FEM1A: variants seen among roughly 807,000 people sequenced by gnomAD.
The protein encoded by FEM1A is protein fem-1 homolog A.
FEM1A carries 1 observed loss-of-function variant against 0.7 expected under a neutral mutation model. That is an observed-to-expected ratio of 1.35 (90% confidence interval 0.48 to 6.40). The LOEUF is 6.40. Among genes scored for constraint, FEM1A ranks in the 30% most tolerant of loss-of-function variants. FEM1A has a pLI of 0.14. For missense variants in FEM1A, 721 were observed against 918.7 expected (o/e 0.78, Z 2.78); for synonymous variants, 391 against 420.6 (o/e 0.93, Z 0.86).
At position 4,800,213 on chromosome 19, in the gene FEM1A, A is replaced by G. The variant is rs1435456538; in HGVS notation, c.*6349A>G. The G allele has an allele frequency of 1.3e-5, 2 of 152,328 alleles. No homozygotes were observed. Among genetic ancestry groups the G allele is most frequent in the Non-Finnish European group, 2.9e-5 (2 of 68,148 alleles). 9.4% of individuals were successfully genotyped at this position (152,328 alleles called of 1,614,324 possible). On this transcript the variant is annotated 3_prime_UTR_variant, in exon 1 of 1. Coordinates refer to ENST00000269856, the MANE Select transcript of FEM1A (RefSeq NM_018708.3). ...GCCCTCTTAAGAGGAAGGCCATCTT[A>G]AAGCTCTACCAGCTTCAGGTGAGGG... is the stretch of plus-strand genomic sequence containing the variant.
chr19:4,794,768 T>C lies in FEM1A; in HGVS notation c.*904T>C, dbSNP rs1403868653. On this transcript the variant is annotated 3_prime_UTR_variant, in exon 1 of 1. Coordinates refer to ENST00000269856, the MANE Select transcript of FEM1A (RefSeq NM_018708.3). ...TACAGGCTTTCCGATTTTACAGGCC[T>C]TTCCAAGTTTCCATTCTCCTTAGAG... 1.2e-5 allele frequency: 2 copies of C among 166,932 alleles called. No individual in the cohort carries two copies. Among genetic ancestry groups the C allele is most frequent in the Non-Finnish European group, 2.9e-5 (2 of 68,104 alleles). The allele number at this position is 166,932 out of a possible 1,614,324, so 10.3% of individuals were successfully genotyped here.
chr19:4,792,884 C>G lies in FEM1A; in HGVS notation c.1030C>G (p.Leu344Val), dbSNP rs753693245. The change falls in exon 1 of 1, where the codon CTG becomes GTG. Residue 344 changes from leucine (L) to valine (V), a missense_variant. By Grantham distance (32) the Leu-to-Val change is conservative (BLOSUM62 1). Around this residue, in one of 4 missense-constraint regions of FEM1A, gnomAD observed 379 missense variants for 454.8 expected, o/e 0.83. Transcript: ENST00000269856. This position sits in a 1 kb window ranked among gnomAD's most constrained non-coding sequence, Gnocchi z 6.7. ...CCTGCCCAAACCGGAGCCCCCACAG[C>G]TGGTCCTGGCCTATGACTATTCCAG... ...EYLPKPEPPQ[L>V]VLAYDYSREV... 1.3e-4 allele frequency: 210 copies of G among 1,612,218 alleles called. 1 individual carries two copies. The highest frequency in any genetic ancestry group is 1.7e-4 in the Non-Finnish European group (204 of 1,180,024).
Position 4,792,037 on chromosome 19 carries a change from G to A in FEM1A, c.183G>A (p.Val61=), listed in dbSNP as rs12608548. The change falls in exon 1 of 1, where the codon GTG becomes GTA. Residue 61 remains valine, a synonymous_variant. Coordinates refer to ENST00000269856, the MANE Select transcript of FEM1A (RefSeq NM_018708.3). The surrounding 1 kb of genome is among the most constrained non-coding windows in gnomAD (Gnocchi z 6.7). ...ACCTGGACGTGGTGGAGTACCTGGT[G>A]GACCGGTGCGGCGCGAGCGTGGAGG... ...YGHLDVVEYL[V]DRCGASVEAG... is the part of the protein sequence containing the mutation. The A allele has an allele frequency of 9.9e-3, 15,186 of 1,538,654 alleles. 396 individuals are homozygous for A. In the East Asian group the frequency reaches 0.11, roughly 11 times the overall value.
rs370181330 is a variant in FEM1A, at chr19:4,793,561, C to T, written c.1707C>T (p.Asp569=). The T allele has an allele frequency of 6.2e-7, 1 of 1,613,056 alleles. No homozygotes were observed. The highest frequency in any genetic ancestry group is 1.9e-4 in the Middle Eastern group (1 of 5,286). Residue 569 remains aspartate (D), a synonymous_variant, in exon 1 of 1, where the codon GAC becomes GAT. Coordinates refer to ENST00000269856, the MANE Select transcript of FEM1A (RefSeq NM_018708.3). The surrounding 1 kb of genome is among the most constrained non-coding windows in gnomAD (Gnocchi z 5.1). ...PSLHVVKVLL[D]CGADPDSRDF... ...TGCACGTGGTCAAAGTGCTGCTCGA[C>T]TGCGGGGCCGACCCGGACAGCAGGG...
In FEM1A at chr19:4,796,466, G is replaced by C. The variant is rs1235782052; in HGVS notation, c.*2602G>C. ...GGCCTCCTAAAGTGCTGGGATTATA[G>C]GTGTGAGCCACCACGCCTGGCCCTT... is the stretch of plus-strand genomic sequence containing the variant. On this transcript the variant is annotated 3_prime_UTR_variant, in exon 1 of 1. Transcript: ENST00000269856. The C allele has an allele frequency of 6.6e-6, 1 of 152,214 alleles. No individual in the cohort carries two copies. The highest frequency in any genetic ancestry group is 1.5e-5 in the Non-Finnish European group (1 of 68,092). The allele number at this position is 152,214 out of a possible 1,614,324, so 9.4% of individuals were successfully genotyped here. A position where few individuals can be genotyped will look rare whatever the true frequency, so the allele number is the denominator to read the frequency against.
At position 4,792,504 on chromosome 19, in the gene FEM1A, C is replaced by G; in HGVS notation, c.650C>G (p.Thr217Ser). Residue 217 changes from threonine (T) to serine (S), a missense_variant, in exon 1 of 1, where the codon ACC becomes AGC. Physicochemically the swap from Thr to Ser is moderately conservative, Grantham distance 58. This residue lies in a region of FEM1A where 137 missense variants were observed against 121.7 expected (regional missense o/e 1.13). Coordinates refer to ENST00000269856, the MANE Select transcript of FEM1A (RefSeq NM_018708.3). This position sits in a 1 kb window ranked among gnomAD's most constrained non-coding sequence, Gnocchi z 6.7. Reference protein sequence around the residue: ...ARMERDGYGMTPLLAASVTGH... With the variant: ...ARMERDGYGMSPLLAASVTGH... ...ATGGAACGTGACGGCTACGGCATGA[C>G]CCCGCTGCTCGCGGCCAGCGTGACG... 1 of 1,598,330 alleles carries G rather than the reference C, an allele frequency of 6.3e-7. No individual in the cohort carries two copies. Among genetic ancestry groups the G allele is most frequent in the South Asian group, 1.1e-5 (1 of 91,004 alleles).
In FEM1A at chr19:4,797,129, A is replaced by G. The variant is rs554579752; in HGVS notation, c.*3265A>G. On this transcript the variant is annotated 3_prime_UTR_variant, in exon 1 of 1. Coordinates refer to ENST00000269856, the MANE Select transcript of FEM1A (RefSeq NM_018708.3). ...GATGGAAGAAAAATAATGAAGTAGG[A>G]AAAACGGCCCTCTTAAGATGAAGGT... is the stretch of plus-strand genomic sequence containing the variant. 9 of 150,816 alleles carry G rather than the reference A, an allele frequency of 6.0e-5. No individual in the cohort carries two copies. The highest frequency in any genetic ancestry group is 2.2e-4 in the African/African-American group (9 of 41,178). The allele number at this position is 150,816 out of a possible 1,614,324, so 9.3% of individuals were successfully genotyped here.
Position 4,791,961 on chromosome 19 carries a change from G to T in FEM1A, c.107G>T (p.Gly36Val), listed in dbSNP as rs1197651012. 2 of 1,532,662 alleles carry T rather than the reference G, an allele frequency of 1.3e-6. No homozygotes were observed. Among genetic ancestry groups the T allele is most frequent in the Non-Finnish European group, 1.7e-6 (2 of 1,146,914 alleles). 94.9% of individuals were successfully genotyped at this position (1,532,662 alleles called of 1,614,324 possible). Residue 36 changes from glycine to valine, a missense_variant, in exon 1 of 1, where the codon GGC (glycine) becomes GTC (valine). Transcript: ENST00000269856. Reference protein sequence around the residue: ...RSREELDELTGEVAGGGTPLL... With the variant: ...RSREELDELTVEVAGGGTPLL... ...CGGGAGGAACTGGACGAGCTGACGGGCGAGGTGGCCGGCGGGGGAACGCCG... is the reference window on the plus strand; with the variant it reads ...CGGGAGGAACTGGACGAGCTGACGGTCGAGGTGGCCGGCGGGGGAACGCCG...
Position 4,797,787 on chromosome 19 carries a change from AAAAAT to A in FEM1A, c.*3924_*3928del, listed in dbSNP as rs1411957755. The A allele has an allele frequency of 0.048, 7,069 of 147,852 alleles. 322 individuals carry two copies. The highest frequency in any genetic ancestry group is 0.12 in the African/African-American group (4,624 of 39,410). The allele number at this position is 147,852 out of a possible 1,614,324, so 9.2% of individuals were successfully genotyped here. ...TGTCTCTACAAAAAAAAAAAAAAAA[AAAAAT>A]TAGCCATGTGTAGTGATATGTAGTC... On this transcript the variant is annotated 3_prime_UTR_variant, in exon 1 of 1. Transcript: ENST00000269856.
rs181196043 is a variant in FEM1A at position 4,800,551 on chromosome 19, T to A, written c.*6687T>A. ...TTTGAGGGTGTCAGTCACTGCTGCGTCCTCAGCACCCACGCCAGGGTCTGT... is the reference window on the plus strand; with the variant it reads ...TTTGAGGGTGTCAGTCACTGCTGCGACCTCAGCACCCACGCCAGGGTCTGT... On this transcript the variant is annotated 3_prime_UTR_variant, in exon 1 of 1. Coordinates refer to ENST00000269856, the MANE Select transcript of FEM1A (RefSeq NM_018708.3). 1 of 152,444 alleles carries A rather than the reference T, an allele frequency of 6.6e-6. No homozygotes were observed. Among genetic ancestry groups the A allele is most frequent in the East Asian group, 1.9e-4 (1 of 5,186 alleles). 9.4% of individuals were successfully genotyped at this position (152,444 alleles called of 1,614,324 possible).
rs9630893 is a variant in FEM1A, at chr19:4,799,075, A to T, written c.*5211A>T. On this transcript the variant is annotated 3_prime_UTR_variant, in exon 1 of 1. Transcript: ENST00000269856. Reference sequence around the variant, plus strand: ...GAGACTGGGGTGGGGTGGGTGTCCCAAGGTGATGACCAGGAGAAAAGAGAG... The same window carrying T: ...GAGACTGGGGTGGGGTGGGTGTCCCTAGGTGATGACCAGGAGAAAAGAGAG... 6.6e-6 allele frequency: 1 copy of T among 151,556 alleles called. No individual in the cohort carries two copies. Among genetic ancestry groups the T allele is most frequent in the African/African-American group, 2.4e-5 (1 of 41,034 alleles). The allele number at this position is 151,556 out of a possible 1,614,324, so 9.4% of individuals were successfully genotyped here. A position where few individuals can be genotyped will look rare whatever the true frequency, so the allele number is the denominator to read the frequency against.
chr19:4,799,277 G>A lies in FEM1A; in HGVS notation c.*5413G>A, dbSNP rs1031587283. 2 of 152,120 alleles carry A rather than the reference G, an allele frequency of 1.3e-5. No individual in the cohort carries two copies. Among genetic ancestry groups the A allele is most frequent in the Admixed American group, 6.6e-5 (1 of 15,236 alleles). 9.4% of individuals were successfully genotyped at this position (152,120 alleles called of 1,614,324 possible). On this transcript the variant is annotated 3_prime_UTR_variant, in exon 1 of 1. Coordinates refer to ENST00000269856, the MANE Select transcript of FEM1A (RefSeq NM_018708.3). ...AAAATACAAAAAATTAGCCAGGCAC[G>A]GTGGCAGGCACCTGTAATCCCAGCT...
chr19:4,799,856 G>T lies in FEM1A; in HGVS notation c.*5992G>T, dbSNP rs1418402326. Reference sequence around the variant, plus strand: ...GGGAGGCGGAGTTACAGTGAGCCGAGATCGCGCCACTGCACTCCAGCCTGG... The same window carrying T: ...GGGAGGCGGAGTTACAGTGAGCCGATATCGCGCCACTGCACTCCAGCCTGG... On this transcript the variant is annotated 3_prime_UTR_variant, in exon 1 of 1. Transcript: ENST00000269856. The T allele has an allele frequency of 6.2e-5, 8 of 128,214 alleles. No individual in the cohort carries two copies. Among genetic ancestry groups the T allele is most frequent in the Admixed American group, 5.8e-4 (6 of 10,422 alleles). The allele number at this position is 128,214 out of a possible 1,614,324, so 7.9% of individuals were successfully genotyped here. A position where few individuals can be genotyped will look rare whatever the true frequency, so the allele number is the denominator to read the frequency against.
rs1555728952 is a variant in FEM1A, at chr19:4,799,918, A to AAAAATAAAAAT, written c.*6058_*6059insTAAAAATAAAA. On this transcript the variant is annotated 3_prime_UTR_variant, in exon 1 of 1. Transcript: ENST00000269856. ...AGACTCTGTCTCAAAAAAAAAAAAA[A>AAAAATAAAAAT]AAAAAAAAAAAAAAATGGGGCCATC... 27 of 145,110 alleles carry AAAAATAAAAAT rather than the reference A, an allele frequency of 1.9e-4. 1 individual carries two copies. Among genetic ancestry groups the AAAAATAAAAAT allele is most frequent in the African/African-American group, 6.3e-4 (25 of 39,458 alleles). 9.0% of individuals were successfully genotyped at this position (145,110 alleles called of 1,614,324 possible).
In FEM1A at chr19:4,793,138, C is replaced by T; in HGVS notation, c.1284C>T (p.Ser428=). Residue 428 remains serine, a synonymous_variant, in exon 1 of 1, where the codon AGC becomes AGT. Transcript: ENST00000269856. The surrounding 1 kb of genome is among the most constrained non-coding windows in gnomAD (Gnocchi z 5.1). ...AACAGAGCAACCTGGAGCCTCTGAG[C>T]CCCATGACCGCCAGCAGCTTCCTCT... is the stretch of plus-strand genomic sequence containing the variant. The part of the protein sequence containing the change: ...DMQQSNLEPL[S]PMTASSFLSF... 1 of 1,613,534 alleles carries T rather than the reference C, an allele frequency of 6.2e-7. No individual in the cohort carries two copies. Among genetic ancestry groups the T allele is most frequent in the Non-Finnish European group, 8.5e-7 (1 of 1,180,036 alleles).
Position 4,794,037 on chromosome 19 carries a change from T to A in FEM1A, c.*173T>A, listed in dbSNP as rs535608910. 845 of 679,834 alleles carry A rather than the reference T, an allele frequency of 1.2e-3. 4 individuals are homozygous for A. The highest frequency in any genetic ancestry group is 1.9e-3 in the Admixed American group (63 of 33,986). The allele number at this position is 679,834 out of a possible 1,614,324, so 42.1% of individuals were successfully genotyped here. A position where few individuals can be genotyped will look rare whatever the true frequency, so the allele number is the denominator to read the frequency against. On this transcript the variant is annotated 3_prime_UTR_variant, in exon 1 of 1. Coordinates refer to ENST00000269856, the MANE Select transcript of FEM1A (RefSeq NM_018708.3). ...AGGGTCGGAGGTGTTAGCGAGCCTT[T>A]GGTGCTAGAAGCCTGCGGGGTCATG...
rs2093566290 is a variant in FEM1A at position 4,799,904 on chromosome 19, C to CAAAAATAAAAAAAAA, written c.*6045_*6046insTAAAAAAAAAAAAAA. 1 of 25,072 alleles carries CAAAAATAAAAAAAAA rather than the reference C, an allele frequency of 4.0e-5. No individual in the cohort carries two copies. The highest frequency in any genetic ancestry group is 1.1e-4 in the African/African-American group (1 of 9,270). The allele number at this position is 25,072 out of a possible 1,614,324, so 1.6% of individuals were successfully genotyped here. A position where few individuals can be genotyped will look rare whatever the true frequency, so the allele number is the denominator to read the frequency against. The stretch of plus-strand genomic sequence containing the variant: ...TGGGTGACATAGCAAGACTCTGTCT[C>CAAAAATAAAAAAAAA]AAAAAAAAAAAAAAAAAAAAAAAAA... On this transcript the variant is annotated 3_prime_UTR_variant, in exon 1 of 1. Transcript: ENST00000269856.
In FEM1A at chr19:4,793,634, C is replaced by T. The variant is rs747944795; in HGVS notation, c.1780C>T (p.Pro594Ser). ...ACACATAGCAGCCCAGAACAACTGC[C>T]CGGCCATCATGAATGCCCTGATCGA... is the stretch of plus-strand genomic sequence containing the variant. ...PLHIAAQNNC[P>S]AIMNALIEAG... Residue 594 changes from proline to serine, a missense_variant, in exon 1 of 1, where the codon CCG becomes TCG. Around this residue, in one of 4 missense-constraint regions of FEM1A, gnomAD observed 379 missense variants for 454.8 expected, o/e 0.83. Coordinates refer to ENST00000269856, the MANE Select transcript of FEM1A (RefSeq NM_018708.3). The surrounding 1 kb of genome is among the most constrained non-coding windows in gnomAD (Gnocchi z 5.1). The T allele has an allele frequency of 2.8e-5, 45 of 1,612,716 alleles. No individual in the cohort carries two copies. The highest frequency in any genetic ancestry group is 3.6e-5 in the Non-Finnish European group (42 of 1,179,858).
At position 4,797,471 on chromosome 19, in the gene FEM1A, T is replaced by G. The variant is rs2093562468; in HGVS notation, c.*3607T>G. The G allele has an allele frequency of 6.6e-6, 1 of 151,788 alleles. No individual in the cohort carries two copies. Among genetic ancestry groups the G allele is most frequent in the Admixed American group, 6.6e-5 (1 of 15,186 alleles). The allele number at this position is 151,788 out of a possible 1,614,324, so 9.4% of individuals were successfully genotyped here. On this transcript the variant is annotated 3_prime_UTR_variant, in exon 1 of 1. Transcript: ENST00000269856. ...CGCACCCGACCAGATGAAGGCCATCTTAAAGCTCAACCAGTTTCAGGTGAG... is the reference window on the plus strand; with the variant it reads ...CGCACCCGACCAGATGAAGGCCATCGTAAAGCTCAACCAGTTTCAGGTGAG...
Sources: gnomAD v4.1 joint callset for allele counts on GRCh38, gnomAD v4.1.1 for gene constraint, gnomAD v4.1.1 regional missense constraint, Gnocchi (gnomAD v3.1) non-coding constraint, MANE v1.5 for transcripts, NCBI Gene and HGNC (gene_info 2026-07-23, HGNC 2026-07-21) for gene names.